The following GALNTL6 variants were observed in gnomAD, a reference collection of about 807,000 sequenced individuals.
GALNTL6 encodes polypeptide N-acetylgalactosaminyltransferase-like 6.
A neutral mutation model predicts 73.7 loss-of-function variants in GALNTL6; 46 were observed. The ratio of observed to expected loss-of-function variants is 0.62; its 90% CI spans 0.49 to 0.80. GALNTL6 has a LOEUF of 0.80. Among genes scored for constraint, GALNTL6 ranks in the 30% least tolerant of loss-of-function variants. The pLI, the probability that GALNTL6 is intolerant of heterozygous loss-of-function variation, is 0.00. For synonymous variants in GALNTL6, 259 were observed against 263.7 expected (o/e 0.98, Z 0.17); for missense variants, 604 against 755.0 (o/e 0.80, Z 2.34).
intron 2 of GALNTL6, among the ~76,000 whole-genome samples, chr4:172,089,098 T>G (rs1004692940): frequency 6.6e-6 from 1 of 152,138 alleles, no homozygotes. Context: ...TCAGTTTTAT[T>G]TCTGAGAATA....
chr4:172,106,941 T>C lies in GALNTL6; in HGVS notation c.139-122715T>C, dbSNP rs943644785. ...CAGGCTGGAGTGCCATGGCACGATC[T>C]TGGCTCACCGCAACCTTTGCCTCCC... On this transcript the variant is annotated intron_variant, in intron 2 of 12. Transcript: ENST00000506823. Among the ~76,000 whole-genome samples, 9 of 152,368 alleles carry C rather than the reference T, an allele frequency of 5.9e-5. No individual in the cohort carries two copies. The South Asian group carries it at 1.7e-3, about 28-fold the overall frequency.
rs1480084574 is a variant in GALNTL6, at chr4:172,813,639, G to T, written c.839G>T (p.Arg280Leu). ...GAGGCACAAGCTGGGGATGCCATGC[G>T]AGGAGCCTTCGACTGGGAAATGTAC... is the stretch of plus-strand genomic sequence containing the variant. ...GYEAQAGDAM[R>L]GAFDWEMYYK... Residue 280 changes from arginine (R) to leucine (L), a missense_variant, in exon 7 of 13, where the codon CGA becomes CTA. Transcript: ENST00000506823. 1 of 1,613,528 alleles carries T rather than the reference G, an allele frequency of 6.2e-7. No homozygotes were observed. The highest frequency in any genetic ancestry group is 8.5e-7 in the Non-Finnish European group (1 of 1,179,636).
chr4:172,765,871 GA>G (rs11342089), intron 5 of GALNTL6, among the ~76,000 whole-genome samples: 72,462 of 148,098 alleles, frequency 0.49, 18,153 homozygotes, highest in African/African-American at 0.64. Context: ...TTGCTGAAAA[GA>G]AAAAAAAAAG....
At chr4:172,368,852 G>C (rs1054328604) in intron 5 of GALNTL6, among the ~76,000 whole-genome samples, 1 of 152,216 alleles carries the variant, frequency 6.6e-6, no homozygotes, top group Non-Finnish European at 1.5e-5. Flanking sequence ...CAGATGTTCA[G>C]ATGTGTCTGG....
chr4:172,353,134 A>G (rs1006495634), intron 5 of GALNTL6, among the ~76,000 whole-genome samples: 3 of 152,074 alleles, frequency 2.0e-5, no homozygotes, highest in Non-Finnish European at 4.4e-5. Context: ...AATCACTGTC[A>G]TGCATTTTAA....
intron 5 of GALNTL6, among the ~76,000 whole-genome samples, chr4:172,706,403 T>C (rs184183701): frequency 6.6e-6 from 1 of 152,244 alleles, no homozygotes; most frequent in Non-Finnish European, 1.5e-5. Flanking sequence ...ACTGCTGGTT[T>C]GAGTTATTGA....
intron 2 of GALNTL6, among the ~76,000 whole-genome samples, chr4:171,844,973 A>G (rs760764596): frequency 1.3e-5 from 2 of 152,140 alleles, no homozygotes; most frequent in Non-Finnish European, 2.9e-5. Flanking sequence ...CTAGTCTCCA[A>G]CCTGTAGACA....
At chr4:172,361,844 C>T (rs1286952511) in intron 5 of GALNTL6, among the ~76,000 whole-genome samples, 1 of 152,144 alleles carries the variant, frequency 6.6e-6, no homozygotes, top group African/African-American at 2.4e-5. Context: ...TATATCTTGG[C>T]TTTCCCTTTA....
rs777892436 is a variant in GALNTL6, at chr4:172,311,605, T to C, written c.248-9T>C. The C allele has an allele frequency of 6.3e-6, 10 of 1,593,558 alleles. No homozygotes were observed. Among genetic ancestry groups the C allele is most frequent in the Middle Eastern group, 1.7e-4 (1 of 5,962 alleles). On this transcript the variant is annotated splice_polypyrimidine_tract_variant and intron_variant, in intron 3 of 12. Coordinates refer to ENST00000506823, the MANE Select transcript of GALNTL6 (RefSeq NM_001034845.3). Reference sequence around the variant, plus strand: ...GAGATGATAATCTCATTTTGTTTTCTCCTGCTAGGGAAAGGTGAACATGGG... The same window carrying C: ...GAGATGATAATCTCATTTTGTTTTCCCCTGCTAGGGAAAGGTGAACATGGG...
chr4:172,214,284 G>T (rs1171209161), intron 2 of GALNTL6, among the ~76,000 whole-genome samples: 1 of 151,992 alleles, frequency 6.6e-6, no homozygotes, highest in Admixed American at 6.6e-5. Context: ...TAGGTCTGTT[G>T]TCTTTCCATA....
chr4:172,516,574 A>C (rs192051823), intron 5 of GALNTL6, among the ~76,000 whole-genome samples: 1 of 152,298 alleles, frequency 6.6e-6, no homozygotes, highest in Admixed American at 6.5e-5. Flanking sequence ...ATACATAGGT[A>C]AAACCGTATG....
At chr4:172,228,954 A>G (rs986897188) in intron 2 of GALNTL6, among the ~76,000 whole-genome samples, 6 of 152,228 alleles carry the variant, frequency 3.9e-5, no homozygotes, top group Admixed American at 1.3e-4. Context: ...AATTTCAACT[A>G]TAAGTGTAAA....
At chr4:172,250,881 G>GA (rs1227249873) in intron 3 of GALNTL6, among the ~76,000 whole-genome samples, 2 of 152,084 alleles carry the variant, frequency 1.3e-5, no homozygotes, top group Non-Finnish European at 2.9e-5. Flanking sequence ...TCATTATTCA[G>GA]AAGGGATCAA....
chr4:172,279,775 C>T (rs1489139978), intron 3 of GALNTL6, among the ~76,000 whole-genome samples: 3 of 151,900 alleles, frequency 2.0e-5, no homozygotes, highest in Non-Finnish European at 4.4e-5. Flanking sequence ...ATTTGTATAC[C>T]CATGTTCATG....
chr4:172,294,631 A>C (rs1021431892), intron 3 of GALNTL6, among the ~76,000 whole-genome samples: 29 of 150,444 alleles, frequency 1.9e-4, no homozygotes, highest in Admixed American at 1.3e-3. Flanking sequence ...TTTAACAGAC[A>C]AAAAAAAAAC....
At chr4:171,829,288 A>T (rs983298135) in intron 2 of GALNTL6, among the ~76,000 whole-genome samples, 1 of 151,964 alleles carries the variant, frequency 6.6e-6, no homozygotes, top group Admixed American at 6.6e-5. Context: ...TCAGAAGGAT[A>T]CTCTGCCACC....
chr4:172,998,134 G>T (rs1751879932), intron 10 of GALNTL6, among the ~76,000 whole-genome samples: 1 of 152,170 alleles, frequency 6.6e-6, no homozygotes, highest in South Asian at 2.1e-4. Context: ...ATGTGCACAA[G>T]ATAGGAAGAA....
At chr4:173,007,163 C>T (rs1752338542) in intron 10 of GALNTL6, among the ~76,000 whole-genome samples, 1 of 152,152 alleles carries the variant, frequency 6.6e-6, no homozygotes, top group Non-Finnish European at 1.5e-5. Context: ...TTTCATGATA[C>T]TCCGTATATT....
intron 3 of GALNTL6, among the ~76,000 whole-genome samples, chr4:172,297,781 G>A (rs371863193): frequency 6.6e-6 from 1 of 152,068 alleles, no homozygotes. Flanking sequence ...GAAGTCAGGT[G>A]GCATGATGCC....
Sources: allele counts gnomAD v4.1 joint callset (sites outside exome capture counted in the v4.1 genomes callset), GRCh38; gene constraint gnomAD v4.1.1; transcripts MANE v1.5; gene names NCBI Gene and HGNC (gene_info 2026-07-23, HGNC 2026-07-21).